The following STX18 variants were observed in gnomAD, a reference collection of about 807,000 sequenced individuals.
The protein encoded by STX18 is syntaxin-18.
STX18 carries 40 observed loss-of-function variants against 50.1 expected under a neutral mutation model. The ratio of observed to expected loss-of-function variants is 0.80; its 90% CI spans 0.62 to 1.04. The LOEUF (loss-of-function observed/expected upper bound fraction) is 1.04, where lower values mean the gene tolerates loss of function less well. Among genes scored for constraint, STX18 ranks in the 50% least tolerant of loss-of-function variants. The probability of loss-of-function intolerance (pLI) is 0.00; values close to 1 mark genes in which losing one functional copy is unlikely to be tolerated. For synonymous variants in STX18, 158 were observed against 151.8 expected (o/e 1.04, Z -0.30); for missense variants, 410 against 415.8 (o/e 0.99, Z 0.12).
In STX18 at chr4:4,428,789, G is replaced by T. The variant is rs538794215; in HGVS notation, c.703-3567C>A. ...AGGTGCGGTGCTGAATGAAAGACCT[G>T]GTCTCCAAGGTCAGCACGACAGATG... On this transcript the variant is annotated intron_variant, in intron 7 of 10. Coordinates refer to ENST00000306200, the MANE Select transcript of STX18 (RefSeq NM_016930.4). Among the ~76,000 whole-genome samples, 4 of 152,132 alleles carry T rather than the reference G, an allele frequency of 2.6e-5. No homozygotes were observed. In the East Asian group the frequency reaches 7.7e-4, roughly 29 times the overall value.
intron 5 of STX18, among the ~76,000 whole-genome samples, chr4:4,455,743 GACA>G (rs1560172436): frequency 6.6e-6 from 1 of 152,202 alleles, no homozygotes; most frequent in Admixed American, 6.5e-5. Flanking sequence ...TTCCCTGGTA[GACA>G]ACACTTCACG....
At chr4:4,491,683 T>C (rs1430493703) in intron 1 of STX18, among the ~76,000 whole-genome samples, 1 of 152,158 alleles carries the variant, frequency 6.6e-6, no homozygotes, top group Non-Finnish European at 1.5e-5. Context: ...GTCTAACGGT[T>C]GTCTTGTGAT....
At chr4:4,472,684 CTTCT>C (rs1727981802) in intron 1 of STX18, among the ~76,000 whole-genome samples, 1 of 152,164 alleles carries the variant, frequency 6.6e-6, no homozygotes, top group Non-Finnish European at 1.5e-5. Context: ...TATATACACA[CTTCT>C]TTGTCAGTGG....
At chr4:4,449,229 T>G (rs1376870368) in intron 5 of STX18, among the ~76,000 whole-genome samples, 1 of 151,968 alleles carries the variant, frequency 6.6e-6, no homozygotes, top group Non-Finnish European at 1.5e-5. Flanking sequence ...AAATTTTTTG[T>G]AGAGATGGGA....
intron 7 of STX18, among the ~76,000 whole-genome samples, chr4:4,431,747 A>T (rs1359542901): frequency 6.6e-6 from 1 of 151,984 alleles, no homozygotes; most frequent in Non-Finnish European, 1.5e-5. Flanking sequence ...CCTCCTGATG[A>T]CCCACGTCAG....
Position 4,438,428 on chromosome 4 carries a change from G to T in STX18, c.579C>A (p.Asp193Glu). 1 of 1,613,766 alleles carries T rather than the reference G, an allele frequency of 6.2e-7. No individual in the cohort carries two copies. The highest frequency in any genetic ancestry group is 8.5e-7 in the Non-Finnish European group (1 of 1,179,768). The change falls in exon 6 of 11, where the codon GAC becomes GAA. Residue 193 changes from aspartate to glutamate, a missense_variant. Coordinates refer to ENST00000306200, the MANE Select transcript of STX18 (RefSeq NM_016930.4). ...CTTCAGTGGCAGGGTTTTCTTCAGA[G>T]TCTTTTGAAGGACTCTGTGAAACTT... ...SEKVSQSPSK[D>E]SEENPATEER...
intron 5 of STX18, among the ~76,000 whole-genome samples, chr4:4,455,572 G>A (rs1225043440): frequency 2.6e-5 from 4 of 152,290 alleles, no homozygotes; most frequent in South Asian, 2.1e-4. Context: ...AAAACAGCTC[G>A]CCGTGCCTGA....
rs3210885 is a variant in STX18, at chr4:4,419,830, C to G, written c.*204G>C. 2.5e-5 allele frequency: 13 copies of G among 530,030 alleles called. No homozygotes were observed. Among genetic ancestry groups the G allele is most frequent in the Non-Finnish European group, 4.3e-5 (13 of 302,382 alleles). The allele number at this position is 530,030 out of a possible 1,614,324, so 32.8% of individuals were successfully genotyped here. A position where few individuals can be genotyped will look rare whatever the true frequency, so the allele number is the denominator to read the frequency against. On this transcript the variant is annotated 3_prime_UTR_variant, in exon 11 of 11. Coordinates refer to ENST00000306200, the MANE Select transcript of STX18 (RefSeq NM_016930.4). ...TGCCTCCCATTGGTGTGCACTGTTTCCTTTTTCAGCTGCTAAATGGCTGAA... is the reference window on the plus strand; with the variant it reads ...TGCCTCCCATTGGTGTGCACTGTTTGCTTTTTCAGCTGCTAAATGGCTGAA...
At chr4:4,523,452 A>G (rs1730611780) in intron 1 of STX18, among the ~76,000 whole-genome samples, 2 of 152,088 alleles carry the variant, frequency 1.3e-5, no homozygotes, top group Non-Finnish European at 2.9e-5. Context: ...ACATTTCTAT[A>G]TTTACAACTG....
chr4:4,482,594 T>C (rs563501279), intron 1 of STX18, among the ~76,000 whole-genome samples: 1 of 152,258 alleles, frequency 6.6e-6, no homozygotes, highest in South Asian at 2.1e-4. Context: ...CAGCTCCATC[T>C]ACCAGCTTCT....
chr4:4,447,385 C>T (rs1001323003), intron 5 of STX18, among the ~76,000 whole-genome samples: 1 of 151,338 alleles, frequency 6.6e-6, no homozygotes, highest in Non-Finnish European at 1.5e-5. Flanking sequence ...GTCAGGAGAT[C>T]GAGACCATCC....
At position 4,420,566 on chromosome 4, in the gene STX18, T is replaced by C. The variant is rs1232346096; in HGVS notation, c.912+298A>G. 2.7e-5 allele frequency: 12 copies of C among 437,480 alleles called. No individual in the cohort carries two copies. Among genetic ancestry groups the C allele is most frequent in the Non-Finnish European group, 3.7e-5 (9 of 244,894 alleles). 27.1% of individuals were successfully genotyped at this position (437,480 alleles called of 1,614,324 possible). ...GACCCCTCGGTGGGGGCCAACGAGC[T>C]ACCCATGTACATCCCTGGACATGAA... is the stretch of plus-strand genomic sequence containing the variant. On this transcript the variant is annotated intron_variant, in intron 10 of 10. Transcript: ENST00000306200. The surrounding 1 kb of genome is among the most constrained non-coding windows in gnomAD (Gnocchi z 4.3).
intron 1 of STX18, among the ~76,000 whole-genome samples, chr4:4,534,348 G>A (rs1488767739): frequency 6.6e-6 from 1 of 152,160 alleles, no homozygotes; most frequent in African/African-American, 2.4e-5. Flanking sequence ...CTCTAACCCT[G>A]AAAACTCTGT....
chr4:4,469,250 G>C (rs1727787561), intron 2 of STX18, among the ~76,000 whole-genome samples: 1 of 152,174 alleles, frequency 6.6e-6, no homozygotes, highest in South Asian at 2.1e-4. Context: ...CCTATGGTCT[G>C]AGAACTAAGA....
At chr4:4,442,654 T>C (rs1379982930) in intron 5 of STX18, among the ~76,000 whole-genome samples, 2 of 150,752 alleles carry the variant, frequency 1.3e-5, no homozygotes, top group African/African-American at 2.4e-5. Context: ...GCACCATGAG[T>C]GGTGGGGCAT....
In STX18 at chr4:4,457,203, T is replaced by A; in HGVS notation, c.485A>T (p.Asp162Val). The A allele has an allele frequency of 6.2e-7, 1 of 1,613,980 alleles. No homozygotes were observed. Among genetic ancestry groups the A allele is most frequent in the South Asian group, 1.1e-5 (1 of 91,084 alleles). ...QRAIRVKRVV[D>V]KKRLSKLEPE... ...AAGCAATACTTACAATCTTTTCTTA[T>A]CCACCACTCTTTTAACTCGGATGGC... Residue 162 changes from aspartate (D) to valine (V), a missense_variant, in exon 5 of 11, where the codon GAT (aspartate) becomes GTT (valine). Physicochemically the swap from Asp to Val is radical, Grantham distance 152. Coordinates refer to ENST00000306200, the MANE Select transcript of STX18 (RefSeq NM_016930.4).
intron 5 of STX18, among the ~76,000 whole-genome samples, chr4:4,453,083 T>C (rs1051445618): frequency 5.9e-5 from 9 of 152,326 alleles, no homozygotes; most frequent in Middle Eastern, 3.4e-3. Flanking sequence ...TTTCTTGAGA[T>C]GGAATCTGCT....
At chr4:4,500,271 G>C (rs1306524470) in intron 1 of STX18, among the ~76,000 whole-genome samples, 1 of 152,106 alleles carries the variant, frequency 6.6e-6, no homozygotes, top group African/African-American at 2.4e-5. Context: ...CACATAACTT[G>C]ACCCTGTGTA....
intron 1 of STX18, among the ~76,000 whole-genome samples, chr4:4,535,433 T>C (rs1162352561): frequency 6.6e-6 from 1 of 152,176 alleles, no homozygotes; most frequent in Non-Finnish European, 1.5e-5. Context: ...ACTCAGTTAT[T>C]GCAATCCATA....
Sources: gnomAD v4.1 joint callset for allele counts (sites outside exome capture counted in the v4.1 genomes callset) on GRCh38, gnomAD v4.1.1 for gene constraint, Gnocchi (gnomAD v3.1) non-coding constraint, MANE v1.5 for transcripts, NCBI Gene and HGNC (gene_info 2026-07-23, HGNC 2026-07-21) for gene names.